Variants in C1QTNF1 observed in about 807,000 individuals in gnomAD.
The protein encoded by C1QTNF1 is complement C1q tumor necrosis factor-related protein 1.
A neutral mutation model predicts 27.8 loss-of-function variants in C1QTNF1; 22 were observed. The ratio of observed to expected loss-of-function variants is 0.79; its 90% CI spans 0.56 to 1.13. The LOEUF (loss-of-function observed/expected upper bound fraction) is 1.13, where lower values mean the gene tolerates loss of function less well. C1QTNF1 is among the 50% of genes most tolerant of loss of function. The pLI is 0.00. For synonymous variants in C1QTNF1, 166 were observed against 154.3 expected, an observed-to-expected ratio of 1.08 and a Z score of -0.56; for missense variants, 373 against 380.2, an observed-to-expected ratio of 0.98 and a Z score of 0.16.
At chr17:79,040,822 C>A (rs961142250) in intron 1 of C1QTNF1, among the ~76,000 whole-genome samples, 1 of 150,872 alleles carries the variant, frequency 6.6e-6, no homozygotes, top group Non-Finnish European at 1.5e-5. Flanking sequence ...GAGGATGGCT[C>A]AAGTCCAGGA....
chr17:79,027,580 A>G (rs994089851), intron 1 of C1QTNF1: 1 of 152,270 alleles, frequency 6.6e-6, no homozygotes, highest in Admixed American at 6.5e-5. Context: ...GGAGCAGGAC[A>G]TGCTCACTCC....
chr17:79,030,361 G>A (rs2072090774), intron 1 of C1QTNF1, among the ~76,000 whole-genome samples: 1 of 151,420 alleles, frequency 6.6e-6, no homozygotes, highest in African/African-American at 2.4e-5. Context: ...GTATGTGTGT[G>A]CCTGTATGTG....
In C1QTNF1 at chr17:79,048,140, G is replaced by GACCCCAGGGCTCAGCACCAGGCTA; in HGVS notation, c.*58_*59insGGGCTCAGCACCAGGCTAACCCCA. ...CCACCTTCCACCCCTGCGCTGTGCT[G>GACCCCAGGGCTCAGCACCAGGCTA]ACCCCACCGCCTCTTCCCCGATCCC... is the stretch of plus-strand genomic sequence containing the variant. On this transcript the variant is annotated 3_prime_UTR_variant, in exon 4 of 4. Coordinates refer to ENST00000579760, the MANE Select transcript of C1QTNF1 (RefSeq NM_030968.5). 1 of 1,434,432 alleles carries GACCCCAGGGCTCAGCACCAGGCTA rather than the reference G, an allele frequency of 7.0e-7. No individual in the cohort carries two copies. Among genetic ancestry groups the GACCCCAGGGCTCAGCACCAGGCTA allele is most frequent in the Non-Finnish European group, 9.2e-7 (1 of 1,091,176 alleles). 88.9% of individuals were successfully genotyped at this position (1,434,432 alleles called of 1,614,324 possible). A position where few individuals can be genotyped will look rare whatever the true frequency, so the allele number is the denominator to read the frequency against.
chr17:79,040,894 C>CAA (rs549954929), intron 1 of C1QTNF1, among the ~76,000 whole-genome samples: 4 of 145,720 alleles, frequency 2.7e-5, no homozygotes, highest in South Asian at 2.2e-4. Context: ...GAGATCCTGT[C>CAA]AAAAAAAAAA....
intron 1 of C1QTNF1, among the ~76,000 whole-genome samples, chr17:79,033,184 G>A (rs61436076): frequency 0.16 from 24,268 of 152,054 alleles, 2,533 homozygotes; most frequent in African/African-American, 0.3. Context: ...TGTGGTGCAA[G>A]GTGCTAAGAG....
intron 1 of C1QTNF1, among the ~76,000 whole-genome samples, chr17:79,040,334 G>A (rs935849865): frequency 2.0e-5 from 3 of 152,212 alleles, no homozygotes; most frequent in Non-Finnish European, 2.9e-5. Flanking sequence ...GCGTGGTGGC[G>A]CATGCCTGTA....
At chr17:79,041,241 T>C (rs532012203) in intron 1 of C1QTNF1, among the ~76,000 whole-genome samples, 7 of 152,128 alleles carry the variant, frequency 4.6e-5, no homozygotes, top group African/African-American at 1.7e-4. Context: ...AGCTGGCTGG[T>C]AGGACACTTG....
rs1345096881 is a variant in C1QTNF1 at position 79,047,785 on chromosome 17, C to T, written c.543C>T (p.Phe181=). The T allele has an allele frequency of 1.2e-6, 2 of 1,614,208 alleles. No homozygotes were observed. The highest frequency in any genetic ancestry group is 4.5e-5 in the East Asian group (2 of 44,888). ...ACCTCTACGACCACTTCAACATGTT[C>T]ACCGGCAAGTTCTACTGCTACGTGC... ...FVNLYDHFNM[F]TGKFYCYVPG... Residue 181 remains phenylalanine, a synonymous_variant, in exon 4 of 4, where the codon TTC becomes TTT. Coordinates refer to ENST00000579760, the MANE Select transcript of C1QTNF1 (RefSeq NM_030968.5).
In C1QTNF1 at chr17:79,046,266, T is replaced by C. The variant is rs4789911; in HGVS notation, c.156-289T>C. ...TCTTGTGTCACCCAAAGACCCTCTC[T>C]TAGAAGTGTGGATTTCTCCCGAGCA... On this transcript the variant is annotated intron_variant, in intron 2 of 3. Coordinates refer to ENST00000579760, the MANE Select transcript of C1QTNF1 (RefSeq NM_030968.5). The surrounding 1 kb of genome is among the most constrained non-coding windows in gnomAD (Gnocchi z 4.8). Among the ~76,000 whole-genome samples the C allele has an allele frequency of 0.37, 56,539 of 152,136 alleles. 12,003 individuals are homozygous for C. Among genetic ancestry groups the C allele is most frequent in the African/African-American group, 0.56 (23,318 of 41,480 alleles).
intron 2 of C1QTNF1, among the ~76,000 whole-genome samples, chr17:79,045,490 TGA>T (rs1468713360): frequency 1.3e-5 from 2 of 151,880 alleles, no homozygotes; most frequent in African/African-American, 4.8e-5. Context: ...AGATTCCAAG[TGA>T]GAGTCGAAAT....
rs145339677 is a variant in C1QTNF1, at chr17:79,046,785, G to C, written c.295+91G>C. 3.3e-6 allele frequency: 5 copies of C among 1,529,682 alleles called. No homozygotes were observed. The East Asian group carries it at 1.1e-4, about 35-fold the overall frequency. The allele number at this position is 1,529,682 out of a possible 1,614,324, so 94.8% of individuals were successfully genotyped here. A position where few individuals can be genotyped will look rare whatever the true frequency, so the allele number is the denominator to read the frequency against. On this transcript the variant is annotated intron_variant, in intron 3 of 3. Transcript: ENST00000579760. The surrounding 1 kb of genome is among the most constrained non-coding windows in gnomAD (Gnocchi z 4.8). ...TGGAGTCGTTAGGGTGGGGCTAGGC[G>C]AGAGCAGAATGGCTCCCTCGGGACA...
rs147286091 is a variant in C1QTNF1 at position 79,047,728 on chromosome 17, C to T, written c.486C>T (p.Tyr162=). Residue 162 remains tyrosine (Y), a synonymous_variant, in exon 4 of 4, where the codon TAC becomes TAT. Coordinates refer to ENST00000579760, the MANE Select transcript of C1QTNF1 (RefSeq NM_030968.5). The stretch of plus-strand genomic sequence containing the variant: ...AGCCCATGCACAGCAACCACTACTA[C>T]CAGACGGTGATCTTCGACACGGAGT... ...RKKPMHSNHY[Y]QTVIFDTEFV... The T allele has an allele frequency of 6.2e-7, 1 of 1,614,026 alleles. No individual in the cohort carries two copies. Among genetic ancestry groups the T allele is most frequent in the Non-Finnish European group, 8.5e-7 (1 of 1,180,032 alleles).
chr17:79,047,135 C>T lies in C1QTNF1; in HGVS notation c.296-403C>T, dbSNP rs1331006535. The T allele has an allele frequency of 2.4e-5, 6 of 247,532 alleles. No homozygotes were observed. The Admixed American group carries it at 3.0e-4, about 12-fold the overall frequency. The allele number at this position is 247,532 out of a possible 1,614,324, so 15.3% of individuals were successfully genotyped here. A position where few individuals can be genotyped will look rare whatever the true frequency, so the allele number is the denominator to read the frequency against. On this transcript the variant is annotated intron_variant, in intron 3 of 3. Transcript: ENST00000579760. Reference sequence around the variant, plus strand: ...CTTGCAGCCTAGATCCCCAGCTGGCCCCGACATCTGGAGTTCATTTGCTCA... The same window carrying T: ...CTTGCAGCCTAGATCCCCAGCTGGCTCCGACATCTGGAGTTCATTTGCTCA...
In C1QTNF1 at chr17:79,046,746, T is replaced by C; in HGVS notation, c.295+52T>C. Reference sequence around the variant, plus strand: ...GGGTGGCCGGGCTGCTCTGTGCTGATCCGGAGGAAGGGATGGAGTCGTTAG... The same window carrying C: ...GGGTGGCCGGGCTGCTCTGTGCTGACCCGGAGGAAGGGATGGAGTCGTTAG... On this transcript the variant is annotated intron_variant, in intron 3 of 3. Coordinates refer to ENST00000579760, the MANE Select transcript of C1QTNF1 (RefSeq NM_030968.5). The surrounding 1 kb of genome is among the most constrained non-coding windows in gnomAD (Gnocchi z 4.8). 1.9e-6 allele frequency: 3 copies of C among 1,607,548 alleles called. No individual in the cohort carries two copies. Among genetic ancestry groups the C allele is most frequent in the Non-Finnish European group, 2.6e-6 (3 of 1,175,606 alleles).
intron 1 of C1QTNF1, among the ~76,000 whole-genome samples, chr17:79,028,240 C>A (rs1382171586): frequency 1.3e-5 from 2 of 152,210 alleles, no homozygotes; most frequent in Non-Finnish European, 2.9e-5. Flanking sequence ...TTGTTCTTGG[C>A]CACGGCTAAA....
At chr17:79,030,485 TTTTCTTTCTTTCTTTC>T (rs199746385) in intron 1 of C1QTNF1, among the ~76,000 whole-genome samples, 2,456 of 121,860 alleles carry the variant, frequency 0.02, 27 homozygotes, top group Non-Finnish European at 0.021. Context: ...CTTTCTTTCT[TTTTCTTTCTTTCTTTC>T]TTTCTTTCTT....
chr17:79,039,664 A>G (rs948902875), intron 1 of C1QTNF1, among the ~76,000 whole-genome samples: 4 of 151,864 alleles, frequency 2.6e-5, no homozygotes, highest in Non-Finnish European at 4.4e-5. Context: ...AAATAAAATA[A>G]AACAAAAAAA....
Position 79,046,879 on chromosome 17 carries a change from C to A in C1QTNF1, c.295+185C>A. The A allele has an allele frequency of 1.3e-6, 1 of 777,526 alleles. No individual in the cohort carries two copies. The highest frequency in any genetic ancestry group is 2.0e-6 in the Non-Finnish European group (1 of 504,960). 48.2% of individuals were successfully genotyped at this position (777,526 alleles called of 1,614,324 possible). ...GGAAATTCTGATTTTGAGGCTCTGG[C>A]CCCTCTCCAAGAGGAGGGGTTGGAA... On this transcript the variant is annotated intron_variant, in intron 3 of 3. Coordinates refer to ENST00000579760, the MANE Select transcript of C1QTNF1 (RefSeq NM_030968.5). This position sits in a 1 kb window ranked among gnomAD's most constrained non-coding sequence, Gnocchi z 4.8.
At chr17:79,031,289 G>A (rs1392283325) in intron 1 of C1QTNF1, among the ~76,000 whole-genome samples, 1 of 152,096 alleles carries the variant, frequency 6.6e-6, no homozygotes, top group Admixed American at 6.6e-5. Flanking sequence ...ACAGGCGTGA[G>A]CCACCGTGCC....
Sources: gnomAD v4.1 joint callset for allele counts (sites outside exome capture counted in the v4.1 genomes callset) on GRCh38, gnomAD v4.1.1 for gene constraint, Gnocchi (gnomAD v3.1) non-coding constraint, MANE v1.5 for transcripts, NCBI Gene and HGNC (gene_info 2026-07-23, HGNC 2026-07-21) for gene names.